TMEM117: variants seen among roughly 807,000 people sequenced by gnomAD.
TMEM117 encodes transmembrane protein 117.
Under a neutral mutation model 52.4 loss-of-function variants are expected in TMEM117, and 27 were observed. The ratio of observed to expected loss-of-function variants is 0.51; its 90% CI spans 0.38 to 0.71. The LOEUF is 0.71. TMEM117 is among the 30% of genes least tolerant of loss of function. The probability of loss-of-function intolerance (pLI) is 0.00; values close to 1 mark genes in which losing one functional copy is unlikely to be tolerated. For missense variants in TMEM117, 556 were observed against 630.5 expected (o/e 0.88, Z 1.26); for synonymous variants, 215 against 206.3 (o/e 1.04, Z -0.36).
intron 3 of TMEM117, among the ~76,000 whole-genome samples, chr12:44,054,274 A>C (rs1947017625): frequency 6.6e-6 from 1 of 152,240 alleles, no homozygotes; most frequent in South Asian, 2.1e-4. Flanking sequence ...GGAATAACTT[A>C]TCTAGTAATT....
the TMEM117 span, among the ~76,000 whole-genome samples, chr12:43,810,827 T>C: frequency 6.6e-6 from 1 of 152,268 alleles, no homozygotes; most frequent in South Asian, 2.1e-4. Flanking sequence ...TACTTTATCA[T>C]AAAGCTTCAA....
intron 5 of TMEM117, among the ~76,000 whole-genome samples, chr12:44,252,832 A>G (rs1235160258): frequency 6.6e-6 from 1 of 152,242 alleles, no homozygotes; most frequent in African/African-American, 2.4e-5. Flanking sequence ...TTAAAGGGGC[A>G]GTATGGACAT....
chr12:44,367,950 G>A (rs1951812247), intron 6 of TMEM117, among the ~76,000 whole-genome samples: 2 of 152,200 alleles, frequency 1.3e-5, no homozygotes, highest in African/African-American at 4.8e-5. Context: ...TACTGCAACA[G>A]TCTCCTAATA....
intron 2 of TMEM117, among the ~76,000 whole-genome samples, chr12:43,858,748 C>T (rs1408916024): frequency 6.6e-6 from 1 of 152,208 alleles, no homozygotes; most frequent in Admixed American, 6.5e-5. Context: ...TGAGTTGGAA[C>T]TTGCTCTTCA....
chr12:43,931,537 T>G (rs1944870863), intron 2 of TMEM117, among the ~76,000 whole-genome samples: 1 of 152,236 alleles, frequency 6.6e-6, no homozygotes, highest in Non-Finnish European at 1.5e-5. Flanking sequence ...CTATGTTCCA[T>G]ATGTTTCAGA....
At chr12:44,092,838 C>T (rs1293913600) in intron 3 of TMEM117, among the ~76,000 whole-genome samples, 1 of 152,176 alleles carries the variant, frequency 6.6e-6, no homozygotes, top group Non-Finnish European at 1.5e-5. Flanking sequence ...CCTGTGAACA[C>T]AGAGCATATA....
At chr12:44,168,328 C>T (rs900241972) in intron 4 of TMEM117, among the ~76,000 whole-genome samples, 4 of 151,934 alleles carry the variant, frequency 2.6e-5, no homozygotes, top group Non-Finnish European at 4.4e-5. Context: ...TGTTTCCCTC[C>T]CCCAAATATT....
intron 3 of TMEM117, among the ~76,000 whole-genome samples, chr12:43,981,460 A>C (rs1014906400): frequency 6.6e-6 from 1 of 152,212 alleles, no homozygotes; most frequent in African/African-American, 2.4e-5. Context: ...AATATAAGCA[A>C]TAACTTTTTA....
intron 2 of TMEM117, among the ~76,000 whole-genome samples, chr12:43,939,002 A>G (rs1212074786): frequency 1.4e-5 from 2 of 146,784 alleles, no homozygotes; most frequent in Non-Finnish European, 3.0e-5. Context: ...TCCGTCTCAA[A>G]ATAAAAAAAA....
chr12:43,860,634 T>C (rs1478693644), intron 2 of TMEM117, among the ~76,000 whole-genome samples: 2 of 151,740 alleles, frequency 1.3e-5, no homozygotes, highest in African/African-American at 2.4e-5. Context: ...CCCAGAGCAG[T>C]GGTGTGTTGA....
At chr12:44,274,652 CA>C (rs1238658290) in intron 5 of TMEM117, among the ~76,000 whole-genome samples, 1 of 152,020 alleles carries the variant, frequency 6.6e-6, no homozygotes, top group Admixed American at 6.6e-5. Flanking sequence ...CAAATTCATA[CA>C]GCTACAGTGT....
intron 4 of TMEM117, among the ~76,000 whole-genome samples, chr12:44,166,343 T>A (rs1948966980): frequency 6.6e-6 from 1 of 152,182 alleles, no homozygotes; most frequent in Non-Finnish European, 1.5e-5. Flanking sequence ...CACACATGTT[T>A]AGTAGTGCTA....
intron 3 of TMEM117, among the ~76,000 whole-genome samples, chr12:43,980,446 C>G (rs900667114): frequency 2.0e-5 from 3 of 152,150 alleles, no homozygotes; most frequent in African/African-American, 4.8e-5. Context: ...TGCATTAGGT[C>G]CCTTAATTGA....
intron 4 of TMEM117, among the ~76,000 whole-genome samples, chr12:44,152,588 AT>A (rs1267374420): frequency 8.1e-6 from 1 of 122,790 alleles, no homozygotes; most frequent in Non-Finnish European, 1.6e-5. Flanking sequence ...TATATATAAT[AT>A]TTATATCATA....
At chr12:43,947,093 G>A (rs1289151081) in intron 3 of TMEM117, among the ~76,000 whole-genome samples, 1 of 152,174 alleles carries the variant, frequency 6.6e-6, no homozygotes, top group Non-Finnish European at 1.5e-5. Context: ...CAGTGCTTTG[G>A]GAGGCTGAGG....
intron 6 of TMEM117, among the ~76,000 whole-genome samples, chr12:44,337,717 T>C (rs1172939256): frequency 6.6e-6 from 1 of 152,068 alleles, no homozygotes; most frequent in Non-Finnish European, 1.5e-5. Context: ...TGGGGGTTAG[T>C]GTGACGGCAT....
intron 6 of TMEM117, among the ~76,000 whole-genome samples, chr12:44,313,989 C>G (rs916856685): frequency 6.6e-6 from 1 of 152,096 alleles, no homozygotes; most frequent in African/African-American, 2.4e-5. Context: ...TTTATCTGGT[C>G]TAGGAGCCTT....
the TMEM117 span, among the ~76,000 whole-genome samples, chr12:43,812,775 A>C: frequency 6.7e-6 from 1 of 150,260 alleles, no homozygotes; most frequent in Non-Finnish European, 1.5e-5. Flanking sequence ...GAGGCTGAGG[A>C]GGGAGGATTA....
intron 3 of TMEM117, among the ~76,000 whole-genome samples, chr12:43,982,880 A>G (rs1592413744): frequency 6.6e-6 from 1 of 152,208 alleles, no homozygotes; most frequent in South Asian, 2.1e-4. Context: ...GACCCCTTCC[A>G]TATGCTACCT....
Sources: allele counts gnomAD v4.1 joint callset (sites outside exome capture counted in the v4.1 genomes callset), GRCh38; gene constraint gnomAD v4.1.1; transcripts MANE v1.5; gene names NCBI Gene and HGNC (gene_info 2026-07-23, HGNC 2026-07-21).